The following CNDP2 variants were observed in gnomAD, a reference collection of about 807,000 sequenced individuals.
CNDP2 encodes cytosolic non-specific dipeptidase.
A neutral mutation model predicts 55.0 loss-of-function variants in CNDP2; 38 were observed. That is an observed-to-expected ratio of 0.69 (90% CI 0.53 to 0.90). The LOEUF (loss-of-function observed/expected upper bound fraction) is 0.90, where lower values mean the gene tolerates loss of function less well. CNDP2 is among the 40% of genes least tolerant of loss of function. The pLI is 0.00. For synonymous variants in CNDP2, 241 were observed against 260.2 expected (o/e 0.93, Z 0.71); for missense variants, 607 against 621.7 (o/e 0.98, Z 0.25).
intron 5 of CNDP2, 115 bp downstream of exon 5, chr18:74,509,043 C>A: frequency 3.6e-6 from 3 of 822,508 alleles, no homozygotes; most frequent in Non-Finnish European, 5.9e-6. Flanking sequence ...ATAAGACAAG[C>A]GTCCCCCAGC....
intron 5 of CNDP2, 122 bp downstream of exon 5, chr18:74,509,050 C>A: frequency 1.4e-6 from 1 of 729,534 alleles, no homozygotes; most frequent in Non-Finnish European, 2.3e-6. Flanking sequence ...AAGCGTCCCC[C>A]AGCCCTTATC....
chr18:74,500,880 T>TA (rs1489806621), intron 2 of CNDP2, among the ~76,000 whole-genome samples: 2 of 152,220 alleles, frequency 1.3e-5, no homozygotes, highest in Admixed American at 6.5e-5. Flanking sequence ...ACAGGGGCTG[T>TA]ATGCACCGGT....
intron 1 of CNDP2, chr18:74,497,917 A>G (rs1467282558): frequency 3.3e-5 from 5 of 152,098 alleles, no homozygotes; most frequent in African/African-American, 1.2e-4. Context: ...TCTCCAGAGC[A>G]TATAAAAATG....
intron 8 of CNDP2, among the ~76,000 whole-genome samples, chr18:74,515,470 T>C (rs1323718904): frequency 1.3e-5 from 2 of 152,148 alleles, no homozygotes; most frequent in Admixed American, 6.5e-5. Flanking sequence ...TGCTTCTGTG[T>C]ACAGTGTTTT....
At chr18:74,513,842 C>T (rs1046871490) in intron 8 of CNDP2, 123 bp downstream of exon 8, 7 of 956,284 alleles carry the variant, frequency 7.3e-6, no homozygotes, top group Admixed American at 5.5e-5. Flanking sequence ...ATGTCCGATG[C>T]ACATGAGTCA....
intron 8 of CNDP2, among the ~76,000 whole-genome samples, chr18:74,515,293 C>T (rs904413818): frequency 2.0e-5 from 3 of 152,110 alleles, no homozygotes; most frequent in Non-Finnish European, 1.5e-5. Context: ...GTTGCAGGCA[C>T]GGGAGCCTTG....
At chr18:74,497,606 C>CA (rs1978480707) in intron 1 of CNDP2, 1 of 152,106 alleles carries the variant, frequency 6.6e-6, no homozygotes, top group African/African-American at 2.4e-5. Flanking sequence ...GTAACACGAG[C>CA]AAACCCCGTC....
intron 9 of CNDP2, chr18:74,516,858 A>G (rs1407482096): frequency 3.2e-5 from 5 of 158,198 alleles, no homozygotes; most frequent in Admixed American, 3.0e-4. Flanking sequence ...TCTTGTCACG[A>G]GGAGGTGTCC....
chr18:74,502,806 A>G (rs1251214184), intron 3 of CNDP2, among the ~76,000 whole-genome samples: 2 of 152,094 alleles, frequency 1.3e-5, no homozygotes, highest in Non-Finnish European at 2.9e-5. Flanking sequence ...AGTTCAGCGC[A>G]TTCGTTTCAT....
chr18:74,497,809 G>T (rs980109680), intron 1 of CNDP2: 1 of 152,082 alleles, frequency 6.6e-6, no homozygotes, highest in Non-Finnish European at 1.5e-5. Flanking sequence ...AAGTTACTCC[G>T]TATGAACTTT....
chr18:74,516,015 G>A (rs1464824201), intron 8 of CNDP2, among the ~76,000 whole-genome samples: 1 of 152,246 alleles, frequency 6.6e-6, no homozygotes, highest in Non-Finnish European at 1.5e-5. Context: ...TGCCTCACCT[G>A]AGGGTGTGCA....
intron 4 of CNDP2, 56 bp from the exon 5 acceptor site, chr18:74,508,784 C>T: frequency 1.4e-6 from 2 of 1,451,120 alleles, no homozygotes; most frequent in South Asian, 1.1e-5. Flanking sequence ...CTGAGACACG[C>T]TGCTTCTGGG....
intron 9 of CNDP2, chr18:74,517,678 G>A (rs1979763930): frequency 6.6e-6 from 1 of 151,930 alleles, no homozygotes; most frequent in Non-Finnish European, 1.5e-5. Flanking sequence ...GGTGGAGCCT[G>A]TGAAAGGCCG....
At chr18:74,517,789 G>A (rs976617344) in intron 9 of CNDP2, 1 of 151,996 alleles carries the variant, frequency 6.6e-6, no homozygotes, top group Non-Finnish European at 1.5e-5. Flanking sequence ...ATGGAGTTTA[G>A]GGCTTAAATA....
At chr18:74,499,126 ACT>A (rs1256247529) in intron 1 of CNDP2, among the ~76,000 whole-genome samples, 1 of 152,102 alleles carries the variant, frequency 6.6e-6, no homozygotes, top group South Asian at 2.1e-4. Context: ...CACAGCTGTG[ACT>A]CTGAGGCACT....
chr18:74,505,110 T>G (rs1055726683), intron 3 of CNDP2: 4 of 152,202 alleles, frequency 2.6e-5, no homozygotes, highest in Non-Finnish European at 4.4e-5. Context: ...AAAGATTTTT[T>G]TATATATATC....
chr18:74,518,923 G>A (rs778545725), intron 10 of CNDP2, 26 bp from the exon 11 acceptor site: 32 of 1,580,160 alleles, frequency 2.0e-5, no homozygotes, highest in Middle Eastern at 1.7e-4. Flanking sequence ...AAAGCTCACC[G>A]TTTATTTTAT....
chr18:74,513,998 A>T (rs1205271111), intron 8 of CNDP2, among the ~76,000 whole-genome samples: 1 of 152,172 alleles, frequency 6.6e-6, no homozygotes, highest in East Asian at 1.9e-4. Flanking sequence ...GTTTGTGTTT[A>T]TAGAGTAACC....
At position 74,510,974 on chromosome 18, in the gene CNDP2, C is replaced by T. The variant is rs746857976; in HGVS notation, c.618C>T (p.Ile206=). The T allele has an allele frequency of 1.7e-5, 28 of 1,614,090 alleles. No individual in the cohort carries two copies. The highest frequency in any genetic ancestry group is 2.2e-5 in the Non-Finnish European group (26 of 1,180,052). Reference sequence around the variant, plus strand: ...GGCTGGGAAAGAAGAAGCCCTGCATCACCTACGGCCTCAGGGGCATTTGCT... The same window carrying T: ...GGCTGGGAAAGAAGAAGCCCTGCATTACCTACGGCCTCAGGGGCATTTGCT... ...NYWLGKKKPC[I]TYGLRGICYF... The change falls in exon 6 of 12, where the codon ATC becomes ATT. Residue 206 remains isoleucine, a synonymous_variant. Coordinates refer to ENST00000324262, the MANE Select transcript of CNDP2 (RefSeq NM_018235.3).
Sources: allele counts gnomAD v4.1 joint callset (sites outside exome capture counted in the v4.1 genomes callset), GRCh38; gene constraint gnomAD v4.1.1; transcripts MANE v1.5; gene names NCBI Gene and HGNC (gene_info 2026-07-23, HGNC 2026-07-21).